LRRC41: variants seen among roughly 807,000 people sequenced by gnomAD.
LRRC41 encodes leucine-rich repeat-containing protein 41.
Under a neutral mutation model 72.1 loss-of-function variants are expected in LRRC41, and 17 were observed. The observed-to-expected ratio is 0.24, with a 90% confidence interval of 0.16 to 0.35. The LOEUF is 0.35. LRRC41 is among the 10% of genes least tolerant of loss of function. The pLI is 1.00. For synonymous variants in LRRC41, 427 were observed against 431.0 expected, an observed-to-expected ratio of 0.99 and a Z score of 0.11; for missense variants, 759 against 1,065.0, an observed-to-expected ratio of 0.71 and a Z score of 4.00.
Position 46,279,466 on chromosome 1 carries a change from C to T in LRRC41, c.2143+26G>A. ...GTCAAAGGCCTAGCTCCTTTCCCCTCTCCCTCCCCAGGGTCTGGCCCCCAC... is the reference window on the plus strand; with the variant it reads ...GTCAAAGGCCTAGCTCCTTTCCCCTTTCCCTCCCCAGGGTCTGGCCCCCAC... On this transcript the variant is annotated intron_variant, in intron 8 of 9. Transcript: ENST00000617190. The surrounding 1 kb of genome is among the most constrained non-coding windows in gnomAD (Gnocchi z 4.5). 4 of 1,614,202 alleles carry T rather than the reference C, an allele frequency of 2.5e-6. 1 individual carries two copies. The highest frequency in any genetic ancestry group is 4.5e-5 in the East Asian group (2 of 44,882).
chr1:46,285,359 C>T lies in LRRC41; in HGVS notation c.1495+3G>A. ...CCAATCCCTGCCACTCCAGGGTGCT[C>T]ACCATTGTAGGAGAGTGTGAGGCTC... On this transcript the variant is annotated splice_donor_region_variant and intron_variant, in intron 4 of 9. Coordinates refer to ENST00000617190, the MANE Select transcript of LRRC41 (RefSeq NM_006369.5). This position sits in a 1 kb window ranked among gnomAD's most constrained non-coding sequence, Gnocchi z 5.3. 3 of 1,613,936 alleles carry T rather than the reference C, an allele frequency of 1.9e-6. No homozygotes were observed. The highest frequency in any genetic ancestry group is 2.5e-6 in the Non-Finnish European group (3 of 1,179,930).
In LRRC41 at chr1:46,302,430, A is replaced by ACGGTCGCT; in HGVS notation, c.199+686_199+693dup. 3 of 984,854 alleles carry ACGGTCGCT rather than the reference A, an allele frequency of 3.0e-6. No homozygotes were observed. Among genetic ancestry groups the ACGGTCGCT allele is most frequent in the Non-Finnish European group, 3.6e-6 (3 of 829,810 alleles). 61.0% of individuals were successfully genotyped at this position (984,854 alleles called of 1,614,324 possible). ...CGGCGCTCCCTGTCCTGCGGGTCGC[A>ACGGTCGCT]CGGTCGCTCGGTCGCTTAGTCAGTT... On this transcript the variant is annotated intron_variant, in intron 1 of 9. Transcript: ENST00000617190. The surrounding 1 kb of genome is among the most constrained non-coding windows in gnomAD (Gnocchi z 4.7).
Position 46,302,952 on chromosome 1 carries a change from T to G in LRRC41, c.199+172A>C, listed in dbSNP as rs1661275190. 1.0e-6 allele frequency: 1 copy of G among 983,126 alleles called. No homozygotes were observed. The highest frequency in any genetic ancestry group is 1.2e-6 in the Non-Finnish European group (1 of 829,452). 60.9% of individuals were successfully genotyped at this position (983,126 alleles called of 1,614,324 possible). Reference sequence around the variant, plus strand: ...GCCTGCCCATTTAGGTCTCCGTCTTTACTCTGTCCAGCCCTGTCAGTCACA... The same window carrying G: ...GCCTGCCCATTTAGGTCTCCGTCTTGACTCTGTCCAGCCCTGTCAGTCACA... On this transcript the variant is annotated intron_variant, in intron 1 of 9. Coordinates refer to ENST00000617190, the MANE Select transcript of LRRC41 (RefSeq NM_006369.5). This position sits in a 1 kb window ranked among gnomAD's most constrained non-coding sequence, Gnocchi z 4.7.
At position 46,285,538 on chromosome 1, in the gene LRRC41, A is replaced by G. The variant is rs1412277909; in HGVS notation, c.1319T>C (p.Leu440Ser). Residue 440 changes from leucine to serine, a missense_variant, in exon 4 of 10, where the codon TTG (leucine) becomes TCG (serine). This residue lies in a region of LRRC41 where 427 missense variants were observed against 520.9 expected (regional missense o/e 0.82). Coordinates refer to ENST00000617190, the MANE Select transcript of LRRC41 (RefSeq NM_006369.5). The surrounding 1 kb of genome is among the most constrained non-coding windows in gnomAD (Gnocchi z 5.3). ...CAGGCAGCTGGGATCTGATCCATCC[A>G]AAGCTCCACAAGCCACTTCCCCAAT... ...MEIGEVACGA[L>S]DGSDPSCLGL... 1 of 1,613,852 alleles carries G rather than the reference A, an allele frequency of 6.2e-7. No individual in the cohort carries two copies. Among genetic ancestry groups the G allele is most frequent in the East Asian group, 2.2e-5 (1 of 44,878 alleles).
chr1:46,279,316 C>T lies in LRRC41; in HGVS notation c.2144-59G>A. 1 of 1,593,496 alleles carries T rather than the reference C, an allele frequency of 6.3e-7. No homozygotes were observed. Among genetic ancestry groups the T allele is most frequent in the Admixed American group, 1.7e-5 (1 of 59,998 alleles). On this transcript the variant is annotated intron_variant, in intron 8 of 9. Transcript: ENST00000617190. The surrounding 1 kb of genome is among the most constrained non-coding windows in gnomAD (Gnocchi z 4.5). The stretch of plus-strand genomic sequence containing the variant: ...CCCAAGAACAGGGGACAAGGGTATC[C>T]CAACCCAACTATGGCTGGCAGAACC...
chr1:46,281,956 G>A (rs898654350), intron 4 of LRRC41, among the ~76,000 whole-genome samples: 17 of 152,158 alleles, frequency 1.1e-4, no homozygotes, highest in African/African-American at 4.1e-4. Context: ...GCACATGCCT[G>A]TAGTCCCAGC....
chr1:46,299,646 G>A (rs1384828438), intron 1 of LRRC41: 2 of 152,048 alleles, frequency 1.3e-5, no homozygotes, highest in East Asian at 1.9e-4. Context: ...GGAGGCCAAG[G>A]CGGGCAGATC....
intron 3 of LRRC41, among the ~76,000 whole-genome samples, chr1:46,290,182 C>T (rs1426528203): frequency 6.6e-6 from 1 of 152,136 alleles, no homozygotes; most frequent in Non-Finnish European, 1.5e-5. Flanking sequence ...CCAAGGTGGG[C>T]AGATTGCTTG....
intron 3 of LRRC41, among the ~76,000 whole-genome samples, chr1:46,293,625 A>G (rs760009844): frequency 9.2e-5 from 14 of 151,938 alleles, no homozygotes; most frequent in Non-Finnish European, 1.8e-4. Context: ...GCTGGAGTGC[A>G]ATGGAGCGAT....
intron 3 of LRRC41, among the ~76,000 whole-genome samples, chr1:46,288,514 CTCAT>C (rs1167070640): frequency 6.6e-6 from 1 of 152,238 alleles, no homozygotes; most frequent in Non-Finnish European, 1.5e-5. Context: ...AAGCATGGTG[CTCAT>C]TCAGACTAAA....
intron 4 of LRRC41, chr1:46,284,357 T>C (rs1388838177): frequency 6.6e-6 from 1 of 152,134 alleles, no homozygotes; most frequent in African/African-American, 2.4e-5. Context: ...AATTGCTAGG[T>C]TATCCTGAGG....
Position 46,303,316 on chromosome 1 carries a change from C to G in LRRC41, c.7G>C (p.Ala3Pro). 2.0e-6 allele frequency: 3 copies of G among 1,525,358 alleles called. No individual in the cohort carries two copies. The highest frequency in any genetic ancestry group is 2.1e-5 in the Admixed American group (1 of 46,964). The allele number at this position is 1,525,358 out of a possible 1,614,324, so 94.5% of individuals were successfully genotyped here. A position where few individuals can be genotyped will look rare whatever the true frequency, so the allele number is the denominator to read the frequency against. The change falls in exon 1 of 10, where the codon GCG becomes CCG. Residue 3 changes from alanine (A) to proline (P), a missense_variant. By Grantham distance (27) the Ala-to-Pro change is conservative. Around this residue, in one of 4 missense-constraint regions of LRRC41, gnomAD observed 106 missense variants for 66.1 expected, o/e 1.60. Transcript: ENST00000617190. The part of the protein sequence containing the change: MA[A>P]PEAWRARSCW... The stretch of plus-strand genomic sequence containing the variant: ...CTCCGGGCGCGCCAGGCCTCGGGCG[C>G]CGCCATCTTGGGGAGGTGCGCGAGC...
chr1:46,281,718 G>C (rs528490632), intron 4 of LRRC41, among the ~76,000 whole-genome samples: 1 of 152,338 alleles, frequency 6.6e-6, no homozygotes, highest in Admixed American at 6.5e-5. Context: ...TCTGGGTTCT[G>C]AGTAGTTTTC....
intron 3 of LRRC41, chr1:46,297,332 T>C (rs1661145287): frequency 4.5e-6 from 2 of 447,206 alleles, no homozygotes; most frequent in Admixed American, 3.7e-5. Context: ...CTGCCATCCA[T>C]TGTGATCACT....
In LRRC41 at chr1:46,303,180, T is replaced by C; in HGVS notation, c.143A>G (p.Glu48Gly). ...GGCGCTCACCGCCCGCCCGCACAGCTCGAACAGGGCGGGGGGAGCGTTGGG... is the reference window on the plus strand; with the variant it reads ...GGCGCTCACCGCCCGCCCGCACAGCCCGAACAGGGCGGGGGGAGCGTTGGG... ...SGPNAPPALF[E>G]LCGRAVSAHM... is the part of the protein sequence containing the mutation. Residue 48 changes from glutamate (E) to glycine (G), a missense_variant, in exon 1 of 10, where the codon GAG (glutamate) becomes GGG (glycine). Around this residue, in one of 4 missense-constraint regions of LRRC41, gnomAD observed 116 missense variants for 250.9 expected, o/e 0.46. Coordinates refer to ENST00000617190, the MANE Select transcript of LRRC41 (RefSeq NM_006369.5). 6.4e-7 allele frequency: 1 copy of C among 1,565,724 alleles called. No individual in the cohort carries two copies. Among genetic ancestry groups the C allele is most frequent in the South Asian group, 1.2e-5 (1 of 86,202 alleles).
chr1:46,281,186 G>C lies in LRRC41; in HGVS notation c.1695C>G (p.Asn565Lys). 1 of 1,614,190 alleles carries C rather than the reference G, an allele frequency of 6.2e-7. No homozygotes were observed. Among genetic ancestry groups the C allele is most frequent in the East Asian group, 2.2e-5 (1 of 44,884 alleles). Residue 565 changes from asparagine to lysine, a missense_variant, in exon 5 of 10, where the codon AAC (asparagine) becomes AAG (lysine). By Grantham distance (94) the Asn-to-Lys change is moderately conservative (BLOSUM62 0). Coordinates refer to ENST00000617190, the MANE Select transcript of LRRC41 (RefSeq NM_006369.5). ...GCCCTGCATTCCCTGGCACACCAGGGTTGTCCCGCTGGCTTGGGTGGTCAA... is the reference window on the plus strand; with the variant it reads ...GCCCTGCATTCCCTGGCACACCAGGCTTGTCCCGCTGGCTTGGGTGGTCAA... ...IRVDHPSQRD[N>K]PGVPGNAGPP...
chr1:46,290,564 T>G (rs1342824343), intron 3 of LRRC41, among the ~76,000 whole-genome samples: 2 of 152,158 alleles, frequency 1.3e-5, no homozygotes, highest in African/African-American at 4.8e-5. Context: ...TTTGAAAATG[T>G]GTACCATATG....
At position 46,302,848 on chromosome 1, in the gene LRRC41, G is replaced by C; in HGVS notation, c.199+276C>G. 7 of 985,232 alleles carry C rather than the reference G, an allele frequency of 7.1e-6. No individual in the cohort carries two copies. The highest frequency in any genetic ancestry group is 8.4e-6 in the Non-Finnish European group (7 of 829,874). The allele number at this position is 985,232 out of a possible 1,614,324, so 61.0% of individuals were successfully genotyped here. ...AGCCGCAATCCAGCCTCAGTCGCCC[G>C]GGCCCAGCCTGCTTCGCTCCAGACC... is the stretch of plus-strand genomic sequence containing the variant. On this transcript the variant is annotated intron_variant, in intron 1 of 9. Transcript: ENST00000617190. This position sits in a 1 kb window ranked among gnomAD's most constrained non-coding sequence, Gnocchi z 4.7.
chr1:46,293,589 G>A (rs1661062508), intron 3 of LRRC41, among the ~76,000 whole-genome samples: 1 of 151,488 alleles, frequency 6.6e-6, no homozygotes, highest in Non-Finnish European at 1.5e-5. Flanking sequence ...TATTATTTTT[G>A]GAGACAGAGT....
Sources: gnomAD v4.1 joint callset for allele counts (sites outside exome capture counted in the v4.1 genomes callset) on GRCh38, gnomAD v4.1.1 for gene constraint, gnomAD v4.1.1 regional missense constraint, Gnocchi (gnomAD v3.1) non-coding constraint, MANE v1.5 for transcripts, NCBI Gene and HGNC (gene_info 2026-07-23, HGNC 2026-07-21) for gene names.